PDE7A: variants seen among roughly 807,000 people sequenced by gnomAD.
The protein encoded by PDE7A is phosphodiesterase 7A, also known as high affinity 3',5'-cyclic-AMP phosphodiesterase 7A.
PDE7A carries 39 observed loss-of-function variants against 64.3 expected under a neutral mutation model. The observed-to-expected ratio is 0.61, with a 90% CI of 0.47 to 0.79. The LOEUF (loss-of-function observed/expected upper bound fraction) is 0.79, where lower values mean the gene tolerates loss of function less well. Among genes scored for constraint, PDE7A ranks in the 30% least tolerant of loss-of-function variants. The pLI, the probability that PDE7A is intolerant of heterozygous loss-of-function variation, is 0.00. For synonymous variants in PDE7A, 203 were observed against 206.8 expected (o/e 0.98, Z 0.16); for missense variants, 470 against 582.8 (o/e 0.81, Z 1.99).
intron 1 of PDE7A, among the ~76,000 whole-genome samples, chr8:65,793,532 A>G (rs1053828195): frequency 6.6e-6 from 1 of 151,910 alleles, no homozygotes; most frequent in African/African-American, 2.4e-5. Context: ...ATGAGAGATA[A>G]TAAGTGAAGA....
At chr8:65,800,761 A>C (rs1809966725) in intron 1 of PDE7A, among the ~76,000 whole-genome samples, 2 of 152,178 alleles carry the variant, frequency 1.3e-5, no homozygotes, top group South Asian at 4.1e-4. Context: ...ACAATATAAA[A>C]ATAAAGTGAC....
chr8:65,788,809 C>T (rs1453483661), intron 1 of PDE7A: 19 of 973,126 alleles, frequency 2.0e-5, no homozygotes, highest in South Asian at 6.3e-5. Context: ...AGGAGAAAAT[C>T]GAGCTATTTA....
chr8:65,806,272 T>A (rs527523541), intron 1 of PDE7A, among the ~76,000 whole-genome samples: 1 of 151,522 alleles, frequency 6.6e-6, no homozygotes, highest in Non-Finnish European at 1.5e-5. Context: ...TTTTAACTAT[T>A]TTAAATTTGT....
chr8:65,725,908 C>T (rs1049839583), intron 9 of PDE7A, among the ~76,000 whole-genome samples: 7 of 152,022 alleles, frequency 4.6e-5, no homozygotes, highest in Admixed American at 1.3e-4. Flanking sequence ...AAGCAATTTT[C>T]GTATTTGTAC....
Position 65,720,789 on chromosome 8 carries a change from G to C in PDE7A, c.1244-1294C>G, listed in dbSNP as rs544026718. ...ACAAACATAGAAAAGTGTCATTATA[G>C]TCAAAGCACACAGCGGCTTTCTGGC... On this transcript the variant is annotated intron_variant, in intron 12 of 12. Transcript: ENST00000401827. 6.6e-5 allele frequency among the ~76,000 whole-genome samples: 10 copies of C among 152,296 alleles called. No homozygotes were observed. The South Asian group carries it at 2.1e-3, about 32-fold the overall frequency.
chr8:65,812,331 G>A (rs1810276941), intron 1 of PDE7A, among the ~76,000 whole-genome samples: 1 of 152,144 alleles, frequency 6.6e-6, no homozygotes, highest in Non-Finnish European at 1.5e-5. Flanking sequence ...AATGATTTCG[G>A]AGAAACTGGC....
chr8:65,739,508 A>G lies in PDE7A; in HGVS notation c.589T>C (p.Phe197Leu), dbSNP rs1290235585. 1 of 1,558,096 alleles carries G rather than the reference A, an allele frequency of 6.4e-7. No homozygotes were observed. Among genetic ancestry groups the G allele is most frequent in the Middle Eastern group, 1.7e-4 (1 of 5,898 alleles). Residue 197 changes from phenylalanine (F) to leucine (L), a missense_variant, in exon 6 of 13, where the codon TTT becomes CTT. Coordinates refer to ENST00000401827, the MANE Select transcript of PDE7A (RefSeq NM_001242318.3). ...FHLDMMKLRR[F>L]LVMIQEDYHS... ...ATGGGTTAGAATCACTTACCTAAAA[A>G]TCTACGAAGTTTCATCATATCTAAA...
intron 1 of PDE7A, among the ~76,000 whole-genome samples, chr8:65,816,235 A>C (rs1316624373): frequency 6.6e-6 from 1 of 152,234 alleles, no homozygotes; most frequent in Non-Finnish European, 1.5e-5. Context: ...CTGAAACAAA[A>C]AATTTTGAGT....
rs368137404 is a variant in PDE7A at position 65,766,071 on chromosome 8, G to A, written c.283+13649C>T. Among the ~76,000 whole-genome samples, 17 of 152,104 alleles carry A rather than the reference G, an allele frequency of 1.1e-4. No homozygotes were observed. In the East Asian group the frequency reaches 2.1e-3, roughly 19 times the overall value. ...TGCCATTCTCCTGCCTCAGCCTCCC[G>A]AGCAGCTGGGATTACAGGCGCCCGC... On this transcript the variant is annotated intron_variant, in intron 3 of 12. Transcript: ENST00000401827.
chr8:65,820,812 A>G (rs1487646752), intron 1 of PDE7A, among the ~76,000 whole-genome samples: 1 of 151,994 alleles, frequency 6.6e-6, no homozygotes, highest in Non-Finnish European at 1.5e-5. Context: ...CTGGTCTCGA[A>G]CTCCTGACCT....
At chr8:65,730,573 C>T (rs1451536825) in intron 7 of PDE7A, among the ~76,000 whole-genome samples, 3 of 152,118 alleles carry the variant, frequency 2.0e-5, no homozygotes, top group African/African-American at 7.2e-5. Flanking sequence ...GAAATATTGT[C>T]TTCCGTGAAA....
intron 1 of PDE7A, among the ~76,000 whole-genome samples, chr8:65,840,757 C>A (rs992713764): frequency 2.6e-5 from 4 of 152,344 alleles, no homozygotes; most frequent in African/African-American, 9.6e-5. Context: ...CCTAAAATCT[C>A]CTTATCAAAT....
Position 65,725,028 on chromosome 8 carries a change from ATCCAACT to A in PDE7A, c.921-114_921-108del, listed in dbSNP as rs1806552731. ...GGAAGGCTTTATAGAACCCTAAAATATCCAACTATCATTCAATTTAAAATTTATCACA... is the reference window on the plus strand; with the variant it reads ...GGAAGGCTTTATAGAACCCTAAAATAATCATTCAATTTAAAATTTATCACA... On this transcript the variant is annotated intron_variant, in intron 9 of 12. Transcript: ENST00000401827. 7.4e-6 allele frequency: 4 copies of A among 537,064 alleles called. No homozygotes were observed. In the East Asian group the frequency reaches 1.3e-4, roughly 18 times the overall value. 33.3% of individuals were successfully genotyped at this position (537,064 alleles called of 1,614,324 possible). A position where few individuals can be genotyped will look rare whatever the true frequency, so the allele number is the denominator to read the frequency against.
chr8:65,749,826 C>G (rs529514622), intron 3 of PDE7A, among the ~76,000 whole-genome samples: 2 of 152,124 alleles, frequency 1.3e-5, no homozygotes, highest in African/African-American at 4.8e-5. Context: ...TATATTTCTA[C>G]AGTATTGTTT....
intron 5 of PDE7A, among the ~76,000 whole-genome samples, chr8:65,744,964 T>C (rs1167954028): frequency 2.6e-5 from 4 of 152,206 alleles, no homozygotes; most frequent in Non-Finnish European, 5.9e-5. Context: ...AATCTCACCT[T>C]GAATTGTAGT....
chr8:65,829,181 A>T (rs1810751803), intron 1 of PDE7A, among the ~76,000 whole-genome samples: 1 of 152,104 alleles, frequency 6.6e-6, no homozygotes, highest in Non-Finnish European at 1.5e-5. Flanking sequence ...GTATGTTATG[A>T]TATTAACTTT....
chr8:65,788,474 T>C (rs975066710), intron 1 of PDE7A, among the ~76,000 whole-genome samples: 3 of 152,198 alleles, frequency 2.0e-5, no homozygotes, highest in African/African-American at 7.2e-5. Flanking sequence ...AAAAAGTTTA[T>C]AATTGTTTAG....
intron 7 of PDE7A, among the ~76,000 whole-genome samples, chr8:65,734,145 C>T (rs1585841908): frequency 1.3e-5 from 2 of 152,174 alleles, no homozygotes; most frequent in South Asian, 4.1e-4. Flanking sequence ...ACTGTCTCTA[C>T]AAGCCTTACC....
intron 3 of PDE7A, among the ~76,000 whole-genome samples, chr8:65,759,800 C>A (rs1808407190): frequency 6.6e-6 from 1 of 152,092 alleles, no homozygotes; most frequent in Non-Finnish European, 1.5e-5. Context: ...GGAAAGGTTG[C>A]ATGTGAGAGC....
Sources: allele counts gnomAD v4.1 joint callset (sites outside exome capture counted in the v4.1 genomes callset), GRCh38; gene constraint gnomAD v4.1.1; transcripts MANE v1.5; gene names NCBI Gene and HGNC (gene_info 2026-07-23, HGNC 2026-07-21).